The following EXT1 variants were observed in gnomAD, a reference collection of about 807,000 sequenced individuals.
EXT1 encodes the protein exostosin-1.
In EXT1, 20 loss-of-function variants were observed where a neutral mutation model predicts 82.5. The ratio of observed to expected loss-of-function variants is 0.24; its 90% CI spans 0.17 to 0.35. The LOEUF (loss-of-function observed/expected upper bound fraction) is 0.35. Ranked by LOEUF, EXT1 falls within the 10% of genes least tolerant of loss-of-function variation. EXT1 has a pLI of 1.00. For synonymous variants in EXT1, 348 were observed against 350.8 expected, an observed-to-expected ratio of 0.99 and a Z score of 0.09; for missense variants, 757 against 936.5, an observed-to-expected ratio of 0.81 and a Z score of 2.50.
chr8:118,016,849 T>C (rs1473617748), intron 1 of EXT1, among the ~76,000 whole-genome samples: 2 of 152,304 alleles, frequency 1.3e-5, no homozygotes, highest in Middle Eastern at 3.4e-3. Flanking sequence ...CATCACAAAA[T>C]TCTGAGTCAG....
intron 1 of EXT1, among the ~76,000 whole-genome samples, chr8:117,920,564 T>G (rs758668076): frequency 2.0e-5 from 3 of 152,152 alleles, no homozygotes; most frequent in Non-Finnish European, 4.4e-5. Flanking sequence ...CAGAAAATAA[T>G]CATCATGCAA....
chr8:118,022,534 C>T (rs1213573664), intron 1 of EXT1, among the ~76,000 whole-genome samples: 1 of 150,908 alleles, frequency 6.6e-6, no homozygotes, highest in Non-Finnish European at 1.5e-5. Flanking sequence ...AACAGGGTTT[C>T]ACCATGTTGG....
intron 1 of EXT1, among the ~76,000 whole-genome samples, chr8:117,960,070 G>T (rs992377934): frequency 6.6e-6 from 1 of 152,142 alleles, no homozygotes; most frequent in Non-Finnish European, 1.5e-5. Context: ...AATTAGCCGG[G>T]TGTGGTGGCA....
chr8:117,961,221 G>T (rs1030415679), intron 1 of EXT1, among the ~76,000 whole-genome samples: 1 of 151,244 alleles, frequency 6.6e-6, no homozygotes, highest in Non-Finnish European at 1.5e-5. Flanking sequence ...TGCCCAGTCT[G>T]AACTTGAACT....
intron 1 of EXT1, among the ~76,000 whole-genome samples, chr8:118,014,732 C>T (rs1272587404): frequency 6.6e-6 from 1 of 152,136 alleles, no homozygotes; most frequent in Non-Finnish European, 1.5e-5. Flanking sequence ...AGCCACCATG[C>T]CCAGCCAAGC....
intron 10 of EXT1, among the ~76,000 whole-genome samples, chr8:117,803,317 C>T (rs1823194091): frequency 6.6e-6 from 1 of 151,978 alleles, no homozygotes; most frequent in African/African-American, 2.4e-5. Context: ...GCCTCAGCCA[C>T]CCGAGTAAGC....
At chr8:118,090,974 G>A (rs749056877) in intron 1 of EXT1, among the ~76,000 whole-genome samples, 1 of 151,904 alleles carries the variant, frequency 6.6e-6, no homozygotes, top group African/African-American at 2.4e-5. Context: ...TAGCAAGGAG[G>A]CTCTGGTCCC....
At chr8:117,980,021 T>G (rs532831649) in intron 1 of EXT1, among the ~76,000 whole-genome samples, 1 of 152,292 alleles carries the variant, frequency 6.6e-6, no homozygotes, top group East Asian at 1.9e-4. Flanking sequence ...TGAAGAGATC[T>G]CCATGGTGTA....
chr8:117,899,681 C>T (rs552431963), intron 1 of EXT1, among the ~76,000 whole-genome samples: 64 of 152,310 alleles, frequency 4.2e-4, no homozygotes, highest in African/African-American at 1.5e-3. Context: ...CTGAAGATTA[C>T]ATCTCAAAGG....
At chr8:117,870,482 G>C (rs1039847499) in intron 1 of EXT1, among the ~76,000 whole-genome samples, 2 of 147,038 alleles carry the variant, frequency 1.4e-5, no homozygotes, top group African/African-American at 5.3e-5. Flanking sequence ...GCATTAAGTA[G>C]AAGGAGCAAG....
At chr8:117,914,982 A>C (rs1237097449) in intron 1 of EXT1, among the ~76,000 whole-genome samples, 1 of 151,368 alleles carries the variant, frequency 6.6e-6, no homozygotes, top group Non-Finnish European at 1.5e-5. Context: ...CTTTGTACCT[A>C]CTCCCTGTTC....
intron 1 of EXT1, among the ~76,000 whole-genome samples, chr8:117,887,208 T>C (rs1331151792): frequency 1.3e-5 from 2 of 152,196 alleles, no homozygotes; most frequent in African/African-American, 4.8e-5. Context: ...ATTGGCCAAT[T>C]ATTTTTTTAG....
At chr8:117,893,086 A>G (rs1813275943) in intron 1 of EXT1, among the ~76,000 whole-genome samples, 1 of 152,262 alleles carries the variant, frequency 6.6e-6, no homozygotes. Flanking sequence ...TACACATTAT[A>G]TATGAATGTA....
At chr8:118,053,154 T>G (rs1019561047) in intron 1 of EXT1, among the ~76,000 whole-genome samples, 1 of 152,194 alleles carries the variant, frequency 6.6e-6, no homozygotes, top group East Asian at 1.9e-4. Flanking sequence ...AGCAGCAGAA[T>G]GCTTGGGTTG....
chr8:117,803,522 T>C (rs890599817), intron 10 of EXT1, among the ~76,000 whole-genome samples: 2 of 152,056 alleles, frequency 1.3e-5, no homozygotes, highest in African/African-American at 4.8e-5. Flanking sequence ...TTACATATAG[T>C]AGGGGCTCTG....
intron 1 of EXT1, among the ~76,000 whole-genome samples, chr8:118,075,941 T>C (rs1449340925): frequency 6.6e-6 from 1 of 152,138 alleles, no homozygotes; most frequent in Non-Finnish European, 1.5e-5. Flanking sequence ...CATTGGGGAT[T>C]ACATCTCAAC....
intron 1 of EXT1, among the ~76,000 whole-genome samples, chr8:118,093,378 G>C (rs1272814808): frequency 3.3e-5 from 5 of 151,012 alleles, no homozygotes; most frequent in Non-Finnish European, 7.4e-5. Context: ...TTCCTGTCTT[G>C]AGCCAAGCAC....
In EXT1 at chr8:117,911,381, G is replaced by A. The variant is rs559440623; in HGVS notation, c.963-74180C>T. ...GCTCTGATAAGTGATTACTCCAACC[G>A]CAATAACCCAAGAGATGAAACTCCC... On this transcript the variant is annotated intron_variant, in intron 1 of 10. Coordinates refer to ENST00000378204, the MANE Select transcript of EXT1 (RefSeq NM_000127.3). Among the ~76,000 whole-genome samples, 12 of 152,212 alleles carry A rather than the reference G, an allele frequency of 7.9e-5. No homozygotes were observed. In the South Asian group the frequency reaches 2.1e-3, roughly 26 times the overall value.
intron 1 of EXT1, among the ~76,000 whole-genome samples, chr8:117,948,319 C>CCAA (rs1182759668): frequency 2.6e-5 from 1 of 37,938 alleles, no homozygotes; most frequent in Non-Finnish European, 4.2e-5. Flanking sequence ...ACTGCCCTTG[C>CCAA]CAAAAAAAAA....
Sources: allele counts gnomAD v4.1 joint callset (sites outside exome capture counted in the v4.1 genomes callset), GRCh38; gene constraint gnomAD v4.1.1; transcripts MANE v1.5; gene names NCBI Gene and HGNC (gene_info 2026-07-23, HGNC 2026-07-21).